BBS9: variants seen among roughly 807,000 people sequenced by gnomAD.
The protein encoded by BBS9 is Bardet-Biedl syndrome 9.
In BBS9, 89 loss-of-function variants were observed where a neutral mutation model predicts 117.7. The ratio of observed to expected loss-of-function variants is 0.76; its 90% CI spans 0.64 to 0.90. The LOEUF is 0.90. BBS9 is among the 40% of genes least tolerant of loss of function. The pLI, the probability that BBS9 is intolerant of heterozygous loss-of-function variation, is 0.00. For synonymous variants in BBS9, 379 were observed against 370.9 expected (o/e 1.02, Z -0.25); for missense variants, 982 against 1,042.2 (o/e 0.94, Z 0.80).
At chr7:33,210,161 C>CA (rs2128223887) in intron 5 of BBS9, among the ~76,000 whole-genome samples, 1 of 151,120 alleles carries the variant, frequency 6.6e-6, no homozygotes, top group East Asian at 1.9e-4. Flanking sequence ...ACTGATCATT[C>CA]AGGAGCATAT....
At chr7:33,385,300 CAT>C (rs1825817145) in intron 18 of BBS9, among the ~76,000 whole-genome samples, 1 of 152,124 alleles carries the variant, frequency 6.6e-6, no homozygotes, top group Admixed American at 6.6e-5. Context: ...TTGTTACACA[CAT>C]AAATTAAGGG....
intron 19 of BBS9, among the ~76,000 whole-genome samples, chr7:33,403,178 G>A (rs1264674258): frequency 6.6e-6 from 1 of 150,712 alleles, no homozygotes; most frequent in East Asian, 2.0e-4. Flanking sequence ...GAGGTTTGGG[G>A]TATGGATCCT....
At chr7:33,427,089 C>T (rs1306445997) in intron 19 of BBS9, among the ~76,000 whole-genome samples, 1 of 152,120 alleles carries the variant, frequency 6.6e-6, no homozygotes, top group African/African-American at 2.4e-5. Context: ...AACACAACCC[C>T]TCCGCATGTG....
Position 33,273,826 on chromosome 7 carries a change from G to C in BBS9, c.887-1G>C. On this transcript the variant is annotated splice_acceptor_variant, in intron 8 of 22. Transcript: ENST00000242067. LOFTEE classifies it high-confidence loss of function. ...CTCTTTTCTGTATTTTCAACTTACA[G>C]TTTCTGAAGGAACAATAAATACTTT... 6.2e-7 allele frequency: 1 copy of C among 1,607,304 alleles called. No homozygotes were observed. The highest frequency in any genetic ancestry group is 8.5e-7 in the Non-Finnish European group (1 of 1,174,572).
intron 5 of BBS9, among the ~76,000 whole-genome samples, chr7:33,184,103 G>GAGAA (rs1262712159): frequency 6.7e-6 from 1 of 149,370 alleles, no homozygotes; most frequent in Non-Finnish European, 1.5e-5. Flanking sequence ...CACACAGAGA[G>GAGAA]AGAGAGAGAG....
At chr7:33,172,907 G>T (rs2128151615) in intron 4 of BBS9, among the ~76,000 whole-genome samples, 1 of 152,298 alleles carries the variant, frequency 6.6e-6, no homozygotes, top group East Asian at 1.9e-4. Flanking sequence ...TCAAAGGTGT[G>T]ACTTATGCCA....
chr7:33,315,110 A>G (rs1248739696), intron 9 of BBS9, among the ~76,000 whole-genome samples: 1 of 152,192 alleles, frequency 6.6e-6, no homozygotes, highest in Non-Finnish European at 1.5e-5. Context: ...CTGCTGTAAC[A>G]AATTACAACG....
chr7:33,419,963 G>A (rs1229624878), intron 19 of BBS9, among the ~76,000 whole-genome samples: 1 of 152,124 alleles, frequency 6.6e-6, no homozygotes, highest in Non-Finnish European at 1.5e-5. Context: ...CAGATCCTGA[G>A]AATAATGGAG....
At chr7:33,497,867 T>A (rs1007917432) in intron 19 of BBS9, among the ~76,000 whole-genome samples, 4 of 152,160 alleles carry the variant, frequency 2.6e-5, no homozygotes, top group African/African-American at 9.7e-5. Context: ...AGGTAGTAGT[T>A]GGTAGACTGC....
chr7:33,601,627 C>T (rs898382391), intron 21 of BBS9, among the ~76,000 whole-genome samples: 1 of 152,102 alleles, frequency 6.6e-6, no homozygotes, highest in Non-Finnish European at 1.5e-5. Flanking sequence ...CTGACAGGCT[C>T]CCAGGTGATT....
intron 19 of BBS9, among the ~76,000 whole-genome samples, chr7:33,446,755 C>T (rs1486685493): frequency 6.6e-6 from 1 of 152,088 alleles, no homozygotes; most frequent in East Asian, 1.9e-4. Context: ...GAGTAGTGAG[C>T]AATATTAGCG....
intron 20 of BBS9, among the ~76,000 whole-genome samples, chr7:33,522,799 GT>G (rs1311815814): frequency 6.6e-6 from 1 of 151,710 alleles, no homozygotes; most frequent in Non-Finnish European, 1.5e-5. Context: ...TGCTTTTGGT[GT>G]TTTGGACATG....
At chr7:33,239,068 G>T (rs923226989) in intron 5 of BBS9, among the ~76,000 whole-genome samples, 1 of 152,136 alleles carries the variant, frequency 6.6e-6, no homozygotes, top group Non-Finnish European at 1.5e-5. Context: ...ATGTCACAGA[G>T]ATGGGCTTAA....
chr7:33,516,997 G>T (rs1293097059), intron 20 of BBS9, among the ~76,000 whole-genome samples: 1 of 152,164 alleles, frequency 6.6e-6, no homozygotes, highest in African/African-American at 2.4e-5. Flanking sequence ...TAAAAATCTA[G>T]CTTGTATTGT....
chr7:33,466,012 C>T (rs569135416), intron 19 of BBS9, among the ~76,000 whole-genome samples: 3 of 152,028 alleles, frequency 2.0e-5, no homozygotes, highest in Admixed American at 2.0e-4. Context: ...TGAAGTGTAC[C>T]TGACAAATAA....
intron 5 of BBS9, chr7:33,243,111 G>GGA (rs1794802194): frequency 4.8e-6 from 2 of 417,020 alleles, no homozygotes; most frequent in African/African-American, 4.0e-5. Flanking sequence ...CTTTCATTTG[G>GGA]TTCTGTTAAT....
intron 21 of BBS9, among the ~76,000 whole-genome samples, chr7:33,567,145 A>G (rs1857042883): frequency 1.3e-5 from 2 of 152,176 alleles, no homozygotes; most frequent in African/African-American, 2.4e-5. Flanking sequence ...TTCTCTATTA[A>G]ATTTTTAGGG....
chr7:33,172,217 A>G (rs1348257681), intron 4 of BBS9, among the ~76,000 whole-genome samples: 1 of 151,824 alleles, frequency 6.6e-6, no homozygotes, highest in Non-Finnish European at 1.5e-5. Flanking sequence ...CATCTCTACT[A>G]AAAAATACAA....
intron 19 of BBS9, among the ~76,000 whole-genome samples, chr7:33,397,736 A>G (rs538359164): frequency 6.6e-6 from 1 of 152,330 alleles, no homozygotes; most frequent in Admixed American, 6.5e-5. Context: ...CAAACACTGC[A>G]TGTTCTCACT....
Sources: allele counts gnomAD v4.1 joint callset (sites outside exome capture counted in the v4.1 genomes callset), GRCh38; gene constraint gnomAD v4.1.1; transcripts MANE v1.5; gene names NCBI Gene and HGNC (gene_info 2026-07-23, HGNC 2026-07-21).